FOXN3: variants seen among roughly 807,000 people sequenced by gnomAD.
FOXN3 encodes the protein forkhead box N3.
In FOXN3, 7 loss-of-function variants were observed where a neutral mutation model predicts 38.4. The ratio of observed to expected loss-of-function variants is 0.18; its 90% confidence interval spans 0.10 to 0.34. The LOEUF (loss-of-function observed/expected upper bound fraction) is 0.34, where lower values mean the gene tolerates loss of function less well. Ranked by LOEUF, FOXN3 falls within the 10% of genes least tolerant of loss-of-function variation. The pLI, the probability that FOXN3 is intolerant of heterozygous loss-of-function variation, is 1.00. For missense variants in FOXN3, 456 were observed against 613.4 expected (o/e 0.74, Z 2.71); for synonymous variants, 230 against 242.2 (o/e 0.95, Z 0.47).
intron 1 of FOXN3, among the ~76,000 whole-genome samples, chr14:89,449,804 G>C (rs1892578660): frequency 6.6e-6 from 1 of 152,164 alleles, no homozygotes; most frequent in African/African-American, 2.4e-5. Flanking sequence ...TCAACTGAAG[G>C]GGAGTTTTCC....
At chr14:89,283,564 CTT>C (rs529473159) in intron 3 of FOXN3, among the ~76,000 whole-genome samples, 259 of 152,236 alleles carry the variant, frequency 1.7e-3, no homozygotes, top group Non-Finnish European at 3.5e-3. Context: ...TGACAGAAGT[CTT>C]TGTGGGAGGA....
At chr14:89,598,733 T>C (rs1053681532) in intron 1 of FOXN3, among the ~76,000 whole-genome samples, 3 of 152,244 alleles carry the variant, frequency 2.0e-5, no homozygotes, top group African/African-American at 4.8e-5. Flanking sequence ...CAAAAGTCAG[T>C]TGTCAGTCTT....
chr14:89,162,599 C>T lies in FOXN3; in HGVS notation c.1222G>A (p.Val408Ile). The change falls in exon 6 of 6, where the codon GTC (valine) becomes ATC (isoleucine). Residue 408 changes from valine (V) to isoleucine (I), a missense_variant. Physicochemically the swap from Val to Ile is conservative, Grantham distance 29. Transcript: ENST00000557258. The surrounding 1 kb of genome is among the most constrained non-coding windows in gnomAD (Gnocchi z 7.2). ...TTGAGGGGCAGTGTGTCGCTGGGGA[C>T]CTTCCTGGCCTTGGCGAAGTGCTGG... ...KRQHFAKARK[V>I]PSDTLPLKKR... 6.2e-7 allele frequency: 1 copy of T among 1,613,836 alleles called. No homozygotes were observed. The highest frequency in any genetic ancestry group is 1.3e-5 in the African/African-American group (1 of 74,918).
At chr14:89,330,661 T>C (rs1270126113) in intron 3 of FOXN3, among the ~76,000 whole-genome samples, 3 of 152,256 alleles carry the variant, frequency 2.0e-5, no homozygotes, top group Admixed American at 6.5e-5. Context: ...ACGATGTTTT[T>C]CCTTGGCATT....
At chr14:89,460,721 T>G (rs959544003) in intron 1 of FOXN3, among the ~76,000 whole-genome samples, 2 of 152,164 alleles carry the variant, frequency 1.3e-5, no homozygotes, top group Non-Finnish European at 2.9e-5. Context: ...CAAAGAGGCA[T>G]GTCTTTGGTA....
Position 89,164,878 on chromosome 14 carries a change from G to A in FOXN3, c.852-1909C>T, listed in dbSNP as rs575060672. 1.3e-5 allele frequency among the ~76,000 whole-genome samples: 2 copies of A among 152,296 alleles called. No homozygotes were observed. The highest frequency in any genetic ancestry group is 4.8e-5 in the African/African-American group (2 of 41,566). On this transcript the variant is annotated intron_variant, in intron 5 of 5. Transcript: ENST00000557258. This position sits in a 1 kb window ranked among gnomAD's most constrained non-coding sequence, Gnocchi z 4.3. ...GCATCCCACATAGAAAGTGAAAGGG[G>A]AAGGGAAAGAGTCCCTAATGAAAAG...
intron 4 of FOXN3, among the ~76,000 whole-genome samples, chr14:89,241,970 G>A (rs11159892): frequency 0.18 from 28,044 of 152,128 alleles, 2,620 homozygotes; most frequent in East Asian, 0.29. Flanking sequence ...CGGACAAGGC[G>A]TCAGGACCAG....
intron 4 of FOXN3, among the ~76,000 whole-genome samples, chr14:89,204,029 C>T (rs1355021625): frequency 7.0e-6 from 1 of 142,826 alleles, no homozygotes; most frequent in Middle Eastern, 3.4e-3. Context: ...AAAGAAATAC[C>T]GGTATAACCA....
At chr14:89,362,038 ACCACCAC>A (rs1473809126) in intron 2 of FOXN3, among the ~76,000 whole-genome samples, 3 of 886 alleles carry the variant, frequency 3.4e-3, no homozygotes, top group East Asian at 0.12. Context: ...CACCTCCAGC[ACCACCAC>A]CTCCACCACC....
intron 2 of FOXN3, among the ~76,000 whole-genome samples, chr14:89,364,189 T>C (rs533989854): frequency 1.3e-5 from 2 of 151,034 alleles, no homozygotes; most frequent in African/African-American, 4.9e-5. Flanking sequence ...TTACAAAGAA[T>C]TTTTTTCTAG....
intron 1 of FOXN3, among the ~76,000 whole-genome samples, chr14:89,585,200 T>G (rs916494125): frequency 6.6e-5 from 10 of 152,194 alleles, no homozygotes; most frequent in African/African-American, 2.4e-4. Flanking sequence ...TTAAATAACT[T>G]AATGCCTTCT....
At chr14:89,314,744 T>C (rs966938659) in intron 3 of FOXN3, among the ~76,000 whole-genome samples, 1 of 152,034 alleles carries the variant, frequency 6.6e-6, no homozygotes, top group Non-Finnish European at 1.5e-5. Context: ...TCTGCTTGTG[T>C]TTCCCTACTA....
At chr14:89,322,620 C>T (rs986343390) in intron 3 of FOXN3, among the ~76,000 whole-genome samples, 10 of 152,036 alleles carry the variant, frequency 6.6e-5, no homozygotes, top group Non-Finnish European at 7.4e-5. Flanking sequence ...AGAAGGGGAC[C>T]GGTGGGGCAG....
chr14:89,531,218 G>A (rs1288139344), intron 1 of FOXN3, among the ~76,000 whole-genome samples: 1 of 151,706 alleles, frequency 6.6e-6, no homozygotes, highest in East Asian at 1.9e-4. Flanking sequence ...TCCCGTGGCT[G>A]TAAAGAAAGG....
At chr14:89,360,447 G>A (rs1451906216) in intron 2 of FOXN3, among the ~76,000 whole-genome samples, 1 of 150,168 alleles carries the variant, frequency 6.7e-6, no homozygotes, top group Non-Finnish European at 1.5e-5. Flanking sequence ...AGGAGGGAAA[G>A]GATGAGAGGG....
intron 3 of FOXN3, among the ~76,000 whole-genome samples, chr14:89,320,653 A>G (rs973535723): frequency 2.0e-5 from 3 of 152,212 alleles, no homozygotes; most frequent in African/African-American, 7.2e-5. Context: ...GGGAATGAGA[A>G]GTCCTGCTCT....
chr14:89,225,704 G>A (rs1047016459), intron 4 of FOXN3, among the ~76,000 whole-genome samples: 1 of 152,210 alleles, frequency 6.6e-6, no homozygotes, highest in Non-Finnish European at 1.5e-5. Flanking sequence ...CTGTCCTGAA[G>A]CATCATCCGC....
intron 4 of FOXN3, among the ~76,000 whole-genome samples, chr14:89,189,891 T>C (rs1462737917): frequency 6.6e-6 from 1 of 152,206 alleles, no homozygotes; most frequent in African/African-American, 2.4e-5. Flanking sequence ...CGTGGTTTCA[T>C]TTCAAAGATA....
At chr14:89,384,752 T>C (rs1218508213) in intron 2 of FOXN3, among the ~76,000 whole-genome samples, 1 of 151,924 alleles carries the variant, frequency 6.6e-6, no homozygotes, top group Non-Finnish European at 1.5e-5. Context: ...GCAGGGAGAA[T>C]CATGGCAGAC....
Sources: gnomAD v4.1 joint callset for allele counts (sites outside exome capture counted in the v4.1 genomes callset) on GRCh38, gnomAD v4.1.1 for gene constraint, Gnocchi (gnomAD v3.1) non-coding constraint, MANE v1.5 for transcripts, NCBI Gene and HGNC (gene_info 2026-07-23, HGNC 2026-07-21) for gene names.